The following KIF5B variants were observed in gnomAD, a reference collection of about 807,000 sequenced individuals.
The protein encoded by KIF5B is kinesin family member 5B.
In KIF5B, 49 loss-of-function variants were observed where a neutral mutation model predicts 132.8. The observed-to-expected ratio is 0.37, with a 90% confidence interval of 0.29 to 0.47. The LOEUF (loss-of-function observed/expected upper bound fraction) is 0.47, where lower values mean the gene tolerates loss of function less well. KIF5B is among the 20% of genes least tolerant of loss of function. The pLI, the probability that KIF5B is intolerant of heterozygous loss-of-function variation, is 1.00. For synonymous variants in KIF5B, 355 were observed against 369.4 expected (o/e 0.96, Z 0.45); for missense variants, 780 against 1,144.0 (o/e 0.68, Z 4.59).
chr10:32,027,437 T>C (rs957610494), intron 15 of KIF5B, among the ~76,000 whole-genome samples: 2 of 152,030 alleles, frequency 1.3e-5, no homozygotes, highest in Non-Finnish European at 2.9e-5. Context: ...TATGGACATA[T>C]TTTGAAAACT....
chr10:32,012,587 T>C (rs978967910), intron 25 of KIF5B, among the ~76,000 whole-genome samples: 4 of 152,234 alleles, frequency 2.6e-5, no homozygotes, highest in East Asian at 1.9e-4. Flanking sequence ...CTGTAAATAA[T>C]TGTATTTTTA....
chr10:32,029,104 ATAAATCTCAAATCATAGCTGGCT>A (rs1374718414), intron 14 of KIF5B, among the ~76,000 whole-genome samples: 13 of 152,204 alleles, frequency 8.5e-5, no homozygotes, highest in Non-Finnish European at 1.5e-4. Context: ...GACTATCATT[ATAAATCTCAAATCATAGCTGGCT>A]TAACAGCTAC....
intron 25 of KIF5B, among the ~76,000 whole-genome samples, chr10:32,011,874 C>CT (rs1171214725): frequency 9.0e-4 from 136 of 151,830 alleles, no homozygotes; most frequent in African/African-American, 2.9e-3. Context: ...GGTCAGTGAC[C>CT]TTCTTAAACC....
chr10:32,029,768 C>T (rs1012975778), intron 14 of KIF5B, among the ~76,000 whole-genome samples: 4 of 152,114 alleles, frequency 2.6e-5, no homozygotes, highest in Non-Finnish European at 4.4e-5. Flanking sequence ...CTAAAATCAG[C>T]GGCCAAGGAC....
intron 13 of KIF5B, among the ~76,000 whole-genome samples, chr10:32,031,583 A>G (rs1382934298): frequency 2.0e-5 from 3 of 152,136 alleles, no homozygotes; most frequent in African/African-American, 7.2e-5. Flanking sequence ...AGGACAGATA[A>G]AGTGCTTAGT....
At chr10:32,015,360 C>A in intron 25 of KIF5B, 149 bp downstream of exon 25, 1 of 538,466 alleles carries the variant, frequency 1.9e-6, no homozygotes, top group Non-Finnish European at 3.2e-6. Context: ...ATGATCTAAA[C>A]TACACAAAAA....
chr10:32,018,817 C>T (rs1841217398), intron 20 of KIF5B, among the ~76,000 whole-genome samples: 2 of 151,874 alleles, frequency 1.3e-5, no homozygotes, highest in South Asian at 2.1e-4. Flanking sequence ...CTCCTCACCT[C>T]GTCTCCCAAA....
At chr10:32,016,594 T>C (rs567040731) in intron 24 of KIF5B, among the ~76,000 whole-genome samples, 2 of 152,300 alleles carry the variant, frequency 1.3e-5, no homozygotes, top group African/African-American at 2.4e-5. Context: ...GGTGCAATCT[T>C]GGCTCATTGC....
At position 32,031,249 on chromosome 10, in the gene KIF5B, T is replaced by A. The variant is rs776007344; in HGVS notation, c.1405A>T (p.Asn469Tyr). The A allele has an allele frequency of 6.2e-7, 1 of 1,614,044 alleles. No homozygotes were observed. Among genetic ancestry groups the A allele is most frequent in the East Asian group, 2.2e-5 (1 of 44,852 alleles). The stretch of plus-strand genomic sequence containing the variant: ...AGGCGATTCAGCTCAGCTTGCATAT[T>A]GTCTTGATCCCTTCTGGTAGATGCC... Reference protein sequence around the residue: ...LLASTRRDQDNMQAELNRLQA... With the variant: ...LLASTRRDQDYMQAELNRLQA... Residue 469 changes from asparagine to tyrosine, a missense_variant, in exon 14 of 26, where the codon AAT becomes TAT. Transcript: ENST00000302418.
intron 15 of KIF5B, among the ~76,000 whole-genome samples, chr10:32,024,743 C>A (rs879749954): frequency 1.3e-5 from 2 of 150,152 alleles, no homozygotes. Flanking sequence ...CCAACCTAGG[C>A]GACAGAGCGA....
Position 32,038,205 on chromosome 10 carries a change from G to A in KIF5B, c.456C>T (p.Asn152=). The change falls in exon 6 of 26, where the codon AAC becomes AAT. Residue 152 remains asparagine, a synonymous_variant. Coordinates refer to ENST00000302418, the MANE Select transcript of KIF5B (RefSeq NM_004521.3). The stretch of plus-strand genomic sequence containing the variant: ...GGTTTTTGTCTTCATGAACTGAAAG[G>A]TTGGTCTTTGAAACTGAGAAAGAAA... ...IRDLLDVSKT[N]LSVHEDKNRV... 6.2e-7 allele frequency: 1 copy of A among 1,607,112 alleles called. No homozygotes were observed. Among genetic ancestry groups the A allele is most frequent in the Non-Finnish European group, 8.5e-7 (1 of 1,174,216 alleles).
At chr10:32,054,188 T>C (rs1362886583) in intron 1 of KIF5B, among the ~76,000 whole-genome samples, 1 of 152,240 alleles carries the variant, frequency 6.6e-6, no homozygotes, top group Non-Finnish European at 1.5e-5. Context: ...CTGAGTACTG[T>C]AAACCACAAA....
At chr10:32,022,807 G>T (rs1248476257) in intron 16 of KIF5B, 41 bp downstream of exon 16, 2 of 1,344,110 alleles carry the variant, frequency 1.5e-6, no homozygotes, top group Non-Finnish European at 2.0e-6. Flanking sequence ...TTTCTATGTG[G>T]CTGTTTCAAA....
chr10:32,029,195 A>C (rs1476801714), intron 14 of KIF5B, among the ~76,000 whole-genome samples: 2 of 152,232 alleles, frequency 1.3e-5, no homozygotes, highest in Non-Finnish European at 2.9e-5. Flanking sequence ...AAAATAACTC[A>C]TATGGCAGAA....
chr10:32,012,648 C>A (rs866884132), intron 25 of KIF5B, among the ~76,000 whole-genome samples: 5 of 152,178 alleles, frequency 3.3e-5, no homozygotes, highest in Non-Finnish European at 4.4e-5. Context: ...TTAGCTCCCT[C>A]CCTTATGTGC....
intron 1 of KIF5B, among the ~76,000 whole-genome samples, chr10:32,050,288 A>C (rs1246680569): frequency 6.6e-6 from 1 of 152,168 alleles, no homozygotes; most frequent in Non-Finnish European, 1.5e-5. Flanking sequence ...CCTCCCAATA[A>C]ATAGGCCGGA....
chr10:32,048,813 A>C (rs1373455185), intron 1 of KIF5B, among the ~76,000 whole-genome samples: 1 of 152,188 alleles, frequency 6.6e-6, no homozygotes, highest in African/African-American at 2.4e-5. Context: ...CAGTAATTAT[A>C]ATTAGCACTA....
chr10:32,016,253 A>T (rs188402), intron 24 of KIF5B, among the ~76,000 whole-genome samples: 148,123 of 152,122 alleles, frequency 0.97, 72,242 homozygotes, highest in Middle Eastern at 1. Flanking sequence ...GGTCAGGAGT[A>T]CGAGACCAGC....
At chr10:32,025,228 A>T (rs1841319668) in intron 15 of KIF5B, among the ~76,000 whole-genome samples, 1 of 152,268 alleles carries the variant, frequency 6.6e-6, no homozygotes, top group Non-Finnish European at 1.5e-5. Context: ...CATGGCTGAT[A>T]GGAATGCAAA....
Sources: gnomAD v4.1 joint callset for allele counts (sites outside exome capture counted in the v4.1 genomes callset) on GRCh38, gnomAD v4.1.1 for gene constraint, MANE v1.5 for transcripts, NCBI Gene and HGNC (gene_info 2026-07-23, HGNC 2026-07-21) for gene names.